The following FGF2 variants were observed in gnomAD, a reference collection of about 807,000 sequenced individuals.
FGF2 encodes the protein basic fibroblast growth factor bFGF.
FGF2 carries 13 observed loss-of-function variants against 15.9 expected under a neutral mutation model. The observed-to-expected ratio is 0.82, with a 90% CI of 0.53 to 1.30. The LOEUF is 1.30. Ranked by LOEUF, FGF2 falls within the 50% of genes most tolerant of loss-of-function variation. The pLI is 0.00. For missense variants in FGF2, 163 were observed against 196.9 expected, an observed-to-expected ratio of 0.83 and a Z score of 1.03; for synonymous variants, 90 against 78.4, an observed-to-expected ratio of 1.15 and a Z score of -0.78.
chr4:122,830,609 T>C (rs1423520845), intron 1 of FGF2, among the ~76,000 whole-genome samples: 1 of 152,168 alleles, frequency 6.6e-6, no homozygotes, highest in Non-Finnish European at 1.5e-5. Flanking sequence ...TCTTTTGGCA[T>C]CCTTAACTTT....
At position 122,897,784 on chromosome 4, in the gene FGF2, A is replaced by AT; in HGVS notation, c.*5394dup. ...AATTGGTCAAAGTGGTTGAGAATATATTTTTTAGTAATTGCATGCAAAATT... is the reference window on the plus strand; with the variant it reads ...AATTGGTCAAAGTGGTTGAGAATATATTTTTTTAGTAATTGCATGCAAAATT... On this transcript the variant is annotated 3_prime_UTR_variant, in exon 3 of 3. Coordinates refer to ENST00000644866, the MANE Select transcript of FGF2 (RefSeq NM_001361665.2). 1 of 784,066 alleles carries AT rather than the reference A, an allele frequency of 1.3e-6. No individual in the cohort carries two copies. The allele number at this position is 784,066 out of a possible 1,614,324, so 48.6% of individuals were successfully genotyped here. A position where few individuals can be genotyped will look rare whatever the true frequency, so the allele number is the denominator to read the frequency against.
chr4:122,897,564 A>G lies in FGF2; in HGVS notation c.*5168A>G. ...TTTATTCTTAGCTATAAAGCAAGAA[A>G]GTAAACACATTAATTTCCTCAACAT... is the stretch of plus-strand genomic sequence containing the variant. On this transcript the variant is annotated 3_prime_UTR_variant, in exon 3 of 3. Transcript: ENST00000644866. 1 of 1,200,856 alleles carries G rather than the reference A, an allele frequency of 8.3e-7. No homozygotes were observed. Among genetic ancestry groups the G allele is most frequent in the South Asian group, 1.2e-5 (1 of 81,858 alleles). The allele number at this position is 1,200,856 out of a possible 1,614,324, so 74.4% of individuals were successfully genotyped here. A position where few individuals can be genotyped will look rare whatever the true frequency, so the allele number is the denominator to read the frequency against.
chr4:122,867,784 A>G (rs1054075656), intron 1 of FGF2, among the ~76,000 whole-genome samples: 7 of 152,202 alleles, frequency 4.6e-5, no homozygotes, highest in Admixed American at 4.6e-4. Context: ...CCATATTCTT[A>G]ATGATTTATT....
intron 1 of FGF2, among the ~76,000 whole-genome samples, chr4:122,846,984 G>A (rs1726125662): frequency 6.6e-6 from 1 of 152,202 alleles, no homozygotes; most frequent in African/African-American, 2.4e-5. Context: ...TCAGGCCTGT[G>A]CCCGCGCATT....
intron 1 of FGF2, among the ~76,000 whole-genome samples, chr4:122,862,570 G>T (rs1336025822): frequency 1.3e-5 from 2 of 152,126 alleles, no homozygotes; most frequent in African/African-American, 2.4e-5. Flanking sequence ...CTATTCCTTT[G>T]CTGACATATC....
At chr4:122,887,972 A>C (rs1727092791) in intron 2 of FGF2, among the ~76,000 whole-genome samples, 2 of 152,234 alleles carry the variant, frequency 1.3e-5, no homozygotes, top group Non-Finnish European at 2.9e-5. Flanking sequence ...TTAGCAAAAA[A>C]GAAGGAAAAA....
At chr4:122,874,342 C>G (rs1726796737) in intron 1 of FGF2, among the ~76,000 whole-genome samples, 2 of 152,164 alleles carry the variant, frequency 1.3e-5, no homozygotes, top group Admixed American at 1.3e-4. Flanking sequence ...TTCATGTCTT[C>G]ATTACATTCC....
In FGF2 at chr4:122,826,974, G is replaced by C. The variant is rs1408983616; in HGVS notation, c.-201G>C. 4.6e-6 allele frequency: 6 copies of C among 1,316,442 alleles called. No individual in the cohort carries two copies. In the East Asian group the frequency reaches 1.2e-4, roughly 27 times the overall value. The allele number at this position is 1,316,442 out of a possible 1,614,324, so 81.5% of individuals were successfully genotyped here. A position where few individuals can be genotyped will look rare whatever the true frequency, so the allele number is the denominator to read the frequency against. On this transcript the variant is annotated 5_prime_UTR_variant, in exon 1 of 3. Transcript: ENST00000644866. Reference sequence around the variant, plus strand: ...GGCCGCCGGCTCGCCGCGCACCAGGGGCCGGCGGACAGAAGAGCGGCCGAG... The same window carrying C: ...GGCCGCCGGCTCGCCGCGCACCAGGCGCCGGCGGACAGAAGAGCGGCCGAG...
At chr4:122,858,903 C>A (rs942107706) in intron 1 of FGF2, among the ~76,000 whole-genome samples, 1 of 151,740 alleles carries the variant, frequency 6.6e-6, no homozygotes. Context: ...TTTTGGACAC[C>A]AAAACATAAT....
chr4:122,827,258 C>T lies in FGF2; in HGVS notation c.84C>T (p.Asp28=). 6.2e-7 allele frequency: 1 copy of T among 1,612,630 alleles called. No individual in the cohort carries two copies. Among genetic ancestry groups the T allele is most frequent in the Non-Finnish European group, 8.5e-7 (1 of 1,179,790 alleles). ...CCTTCCCGCCCGGCCACTTCAAGGACCCCAAGCGGCTGTACTGCAAAAACG... is the reference window on the plus strand; with the variant it reads ...CCTTCCCGCCCGGCCACTTCAAGGATCCCAAGCGGCTGTACTGCAAAAACG... ...SGAFPPGHFK[D]PKRLYCKNGG... Residue 28 remains aspartate, a synonymous_variant, in exon 1 of 3, where the codon GAC becomes GAT. Transcript: ENST00000644866. The surrounding 1 kb of genome is among the most constrained non-coding windows in gnomAD (Gnocchi z 4.2).
intron 2 of FGF2, among the ~76,000 whole-genome samples, chr4:122,876,835 G>A (rs913747007): frequency 2.0e-5 from 3 of 152,226 alleles, no homozygotes; most frequent in African/African-American, 4.8e-5. Flanking sequence ...CACTAGCAAT[G>A]TAGAACACTA....
Position 122,848,612 on chromosome 4 carries a change from T to C in FGF2, c.178+21260T>C, listed in dbSNP as rs776333502. On this transcript the variant is annotated intron_variant, in intron 1 of 2. Coordinates refer to ENST00000644866, the MANE Select transcript of FGF2 (RefSeq NM_001361665.2). ...AGTTGACCTGGGCCTCAGAGCCTGT[T>C]TCTGAGGATATGGGCCACAGAGGGG... Among the ~76,000 whole-genome samples the C allele has an allele frequency of 9.2e-5, 14 of 152,282 alleles. No individual in the cohort carries two copies. In the South Asian group the frequency reaches 2.7e-3, roughly 29 times the overall value.
Position 122,827,101 on chromosome 4 carries a change from G to A in FGF2, c.-74G>A, listed in dbSNP as rs796052159. ...GCCCCGGAGCGGGTCGGAGGCCGGG[G>A]CCGGGGCCGGGGGACGGCGGCTCCC... On this transcript the variant is annotated 5_prime_UTR_variant, in exon 1 of 3. Coordinates refer to ENST00000644866, the MANE Select transcript of FGF2 (RefSeq NM_001361665.2). This position sits in a 1 kb window ranked among gnomAD's most constrained non-coding sequence, Gnocchi z 4.2. The A allele has an allele frequency of 8.1e-7, 1 of 1,229,482 alleles. No homozygotes were observed. Among genetic ancestry groups the A allele is most frequent in the South Asian group, 3.2e-5 (1 of 30,804 alleles). 76.2% of individuals were successfully genotyped at this position (1,229,482 alleles called of 1,614,324 possible).
At chr4:122,855,313 ATACT>A (rs977371102) in intron 1 of FGF2, among the ~76,000 whole-genome samples, 40 of 152,198 alleles carry the variant, frequency 2.6e-4, no homozygotes, top group African/African-American at 8.7e-4. Flanking sequence ...AGTTGCAGAA[ATACT>A]TACTTAAGGC....
intron 1 of FGF2, among the ~76,000 whole-genome samples, chr4:122,872,427 C>G (rs908160462): frequency 2.6e-5 from 4 of 152,044 alleles, no homozygotes; most frequent in African/African-American, 9.7e-5. Flanking sequence ...ACAGGGAGAA[C>G]AGAAACAAGC....
chr4:122,892,931 T>G lies in FGF2; in HGVS notation c.*535T>G. Reference sequence around the variant, plus strand: ...TGCTGGAAGTTCTTCCACAGTCAGGTCAATTTTGTCAAACCCTTCTCTGTA... The same window carrying G: ...TGCTGGAAGTTCTTCCACAGTCAGGGCAATTTTGTCAAACCCTTCTCTGTA... On this transcript the variant is annotated 3_prime_UTR_variant, in exon 3 of 3. Transcript: ENST00000644866. 8 of 1,614,162 alleles carry G rather than the reference T, an allele frequency of 5.0e-6. No homozygotes were observed. Among genetic ancestry groups the G allele is most frequent in the Non-Finnish European group, 6.8e-6 (8 of 1,180,024 alleles).
chr4:122,846,076 T>C (rs1726103790), intron 1 of FGF2, among the ~76,000 whole-genome samples: 3 of 152,180 alleles, frequency 2.0e-5, no homozygotes. Flanking sequence ...CTAACTTTAA[T>C]ATTGTTGTGT....
At chr4:122,871,212 A>C (rs573670510) in intron 1 of FGF2, among the ~76,000 whole-genome samples, 2 of 152,124 alleles carry the variant, frequency 1.3e-5, no homozygotes, top group Non-Finnish European at 2.9e-5. Flanking sequence ...GTTCTTTTGC[A>C]TTTGCTGAGG....
intron 2 of FGF2, among the ~76,000 whole-genome samples, chr4:122,877,848 A>C (rs1333701116): frequency 3.3e-5 from 5 of 152,236 alleles, no homozygotes; most frequent in African/African-American, 1.2e-4. Flanking sequence ...ACAGAGAAAA[A>C]GGGTATCTAA....
Sources: gnomAD v4.1 joint callset for allele counts (sites outside exome capture counted in the v4.1 genomes callset) on GRCh38, gnomAD v4.1.1 for gene constraint, Gnocchi (gnomAD v3.1) non-coding constraint, MANE v1.5 for transcripts, NCBI Gene and HGNC (gene_info 2026-07-23, HGNC 2026-07-21) for gene names.